DIAPH2: variants seen among roughly 807,000 people sequenced by gnomAD.
DIAPH2 encodes protein diaphanous homolog 2.
In DIAPH2, 35 loss-of-function variants were observed where a neutral mutation model predicts 92.7. The observed-to-expected ratio is 0.38, with a 90% CI of 0.29 to 0.50. The LOEUF is 0.50. Among genes scored for constraint, DIAPH2 ranks in the 20% least tolerant of loss-of-function variants. The pLI is 0.94. For missense variants in DIAPH2, 701 were observed against 819.5 expected (o/e 0.86, Z 1.77); for synonymous variants, 301 against 280.4 (o/e 1.07, Z -0.73).
In DIAPH2 at chrX:96,799,004, C is replaced by G. The variant is rs192825734; in HGVS notation, c.447+40746C>G. On this transcript the variant is annotated intron_variant, in intron 4 of 26. Transcript: ENST00000324765. ...TCGTGGAGTCTCCTCTAAACTTGTA[C>G]GGATTGATATTCAGCCAGACTCAAC... Among the ~76,000 whole-genome samples, 8 of 109,743 alleles carry G rather than the reference C, an allele frequency of 7.3e-5. No homozygotes were observed. In the East Asian group the frequency reaches 2.0e-3, roughly 28 times the overall value.
At chrX:97,040,175 GT>G (rs1337386799) in intron 17 of DIAPH2, among the ~76,000 whole-genome samples, 61 of 96,524 alleles carry the variant, frequency 6.3e-4, no homozygotes, top group South Asian at 3.3e-3. Context: ...ACCCTTGAGG[GT>G]TTTTTTTTTT....
intron 22 of DIAPH2, among the ~76,000 whole-genome samples, chrX:97,153,664 T>C (rs962940806): frequency 3.6e-5 from 4 of 112,052 alleles, no homozygotes; most frequent in Non-Finnish European, 7.5e-5. Context: ...AAATGATGTA[T>C]GATTTTATTA....
chrX:96,740,185 A>T (rs191412602), intron 3 of DIAPH2, among the ~76,000 whole-genome samples: 2 of 112,120 alleles, frequency 1.8e-5, no homozygotes, highest in East Asian at 5.6e-4. Context: ...TTTATAGAGC[A>T]TGTATTGTGT....
chrX:97,324,096 C>T (rs973298054), intron 23 of DIAPH2, among the ~76,000 whole-genome samples: 3 of 110,872 alleles, frequency 2.7e-5, no homozygotes, highest in Admixed American at 1.9e-4. Flanking sequence ...GATGACTCTC[C>T]TTTCAATAAA....
intron 26 of DIAPH2, chrX:97,529,176 T>C (rs2071044169): frequency 1.8e-5 from 2 of 112,108 alleles, no homozygotes; most frequent in African/African-American, 6.5e-5. Flanking sequence ...TTTTCAGTCA[T>C]GTTTTGTATT....
Position 97,599,879 on chromosome X carries a change from T to TTATC in DIAPH2, c.*564_*567dup, listed in dbSNP as rs1203335539. 1 of 112,371 alleles carries TTATC rather than the reference T, an allele frequency of 8.9e-6. No individual in the cohort carries two copies. The highest frequency in any genetic ancestry group is 1.9e-5 in the Non-Finnish European group (1 of 53,197). The allele number at this position is 112,371 out of a possible 1,213,427, so 9.3% of individuals were successfully genotyped here. On this transcript the variant is annotated 3_prime_UTR_variant, in exon 27 of 27. Transcript: ENST00000324765. ...CACCCCAGTTGAGTTATTTAGAATT[T>TTATC]TATCTCAAGTGAAAGCTGATGGATT...
intron 17 of DIAPH2, among the ~76,000 whole-genome samples, chrX:96,979,905 T>C (rs1225725823): frequency 9.0e-6 from 1 of 111,530 alleles, no homozygotes; most frequent in Non-Finnish European, 1.9e-5. Flanking sequence ...TTGGATCTGC[T>C]GCACTCCACA....
chrX:97,413,224 A>T (rs775731687), intron 25 of DIAPH2, among the ~76,000 whole-genome samples: 1 of 111,620 alleles, frequency 9.0e-6, no homozygotes, highest in Admixed American at 9.5e-5. Context: ...AGTTGGCTTC[A>T]TCCCTGGGAT....
intron 26 of DIAPH2, among the ~76,000 whole-genome samples, chrX:97,444,294 A>AT (rs2070287880): frequency 1.6e-4 from 2 of 12,881 alleles, no homozygotes; most frequent in Admixed American, 1.8e-3. Flanking sequence ...AATGAACAGG[A>AT]ATTTTTTTTT....
At chrX:97,482,110 A>G (rs778309269) in intron 26 of DIAPH2, among the ~76,000 whole-genome samples, 7 of 112,463 alleles carry the variant, frequency 6.2e-5, no homozygotes, top group Non-Finnish European at 1.1e-4. Flanking sequence ...TATACTAGAA[A>G]TTGCAGACAT....
intron 26 of DIAPH2, among the ~76,000 whole-genome samples, chrX:97,464,297 TAAAAAAAAA>T (rs753355896): frequency 8.5e-4 from 28 of 32,948 alleles, no homozygotes; most frequent in East Asian, 6.4e-3. Flanking sequence ...CCATCTCTAC[TAAAAAAAAA>T]AAAAAAAAAA....
At chrX:97,427,811 C>T (rs979296698) in intron 25 of DIAPH2, among the ~76,000 whole-genome samples, 1 of 110,446 alleles carries the variant, frequency 9.1e-6, no homozygotes, top group African/African-American at 3.3e-5. Context: ...CTCAGCCTCC[C>T]GAGTAGCTGG....
chrX:97,355,800 C>T (rs1374201925), intron 24 of DIAPH2, among the ~76,000 whole-genome samples: 1 of 111,457 alleles, frequency 9.0e-6, no homozygotes, highest in Non-Finnish European at 1.9e-5. Flanking sequence ...CCTAAAAGTA[C>T]ACCTGGAGTC....
At chrX:97,351,474 G>A (rs1235331514) in intron 24 of DIAPH2, among the ~76,000 whole-genome samples, 1 of 112,070 alleles carries the variant, frequency 8.9e-6, no homozygotes, top group African/African-American at 3.2e-5. Context: ...ACATAAAGGA[G>A]GAACTGCCTA....
rs180729116 is a variant in DIAPH2, at chrX:97,443,655, A to G, written c.3241+13910A>G. ...ATGAGCAAGCTCGCATGTCCTATGT[A>G]TGTTACCTTCACGTGACCTTTCTAC... is the stretch of plus-strand genomic sequence containing the variant. On this transcript the variant is annotated intron_variant, in intron 26 of 26. Transcript: ENST00000324765. Among the ~76,000 whole-genome samples the G allele has an allele frequency of 8.9e-5, 10 of 112,345 alleles. No homozygotes were observed. In the East Asian group the frequency reaches 2.8e-3, roughly 31 times the overall value.
In DIAPH2 at chrX:96,838,223, T is replaced by C. The variant is rs200367885; in HGVS notation, c.448-43356T>C. ...CCTTAAAATATAAAGCAATGAGACG[T>C]GTTTTATTATTTGGGTGGTAAACTG... On this transcript the variant is annotated intron_variant, in intron 4 of 26. Transcript: ENST00000324765. Among the ~76,000 whole-genome samples the C allele has an allele frequency of 3.8e-4, 42 of 111,917 alleles. No homozygotes were observed. The East Asian group carries it at 9.0e-3, about 24-fold the overall frequency.
At chrX:97,195,824 A>G (rs990801372) in intron 22 of DIAPH2, among the ~76,000 whole-genome samples, 7 of 110,572 alleles carry the variant, frequency 6.3e-5, no homozygotes, top group African/African-American at 2.3e-4. Flanking sequence ...TGTTGTTAAA[A>G]AAAAAAAAAG....
chrX:97,540,604 T>C (rs2147856488), intron 26 of DIAPH2, among the ~76,000 whole-genome samples: 1 of 112,382 alleles, frequency 8.9e-6, no homozygotes, highest in Non-Finnish European at 1.9e-5. Flanking sequence ...TTAAAAGTCA[T>C]GTTGTAAATT....
chrX:97,274,507 CA>C (rs34298005), intron 23 of DIAPH2, among the ~76,000 whole-genome samples: 22 of 91,033 alleles, frequency 2.4e-4, no homozygotes, highest in East Asian at 6.7e-4. Context: ...GACTCCATCT[CA>C]AAAAAAAAAA....
Sources: gnomAD v4.1 joint callset for allele counts (sites outside exome capture counted in the v4.1 genomes callset) on GRCh38, gnomAD v4.1.1 for gene constraint, MANE v1.5 for transcripts, NCBI Gene and HGNC (gene_info 2026-07-23, HGNC 2026-07-21) for gene names.